The following NRG1 variants were observed in gnomAD, a reference collection of about 807,000 sequenced individuals.
The protein encoded by NRG1 is pro-neuregulin-1, membrane-bound isoform.
NRG1 carries 18 observed loss-of-function variants against 63.8 expected under a neutral mutation model. That is an observed-to-expected ratio of 0.28 (90% CI 0.19 to 0.42). The LOEUF is 0.42. Ranked by LOEUF, NRG1 falls within the 10% of genes least tolerant of loss-of-function variation. The probability of loss-of-function intolerance (pLI) is 1.00; values close to 1 mark genes in which losing one functional copy is unlikely to be tolerated. For synonymous variants in NRG1, 302 were observed against 301.3 expected (o/e 1.00, Z -0.02); for missense variants, 762 against 814.7 (o/e 0.94, Z 0.79).
chr8:32,295,646 G>A (rs927234947), intron 1 of NRG1, among the ~76,000 whole-genome samples: 1 of 152,174 alleles, frequency 6.6e-6, no homozygotes, highest in East Asian at 2.0e-4. Flanking sequence ...TCAAGTGATT[G>A]GAAAGAATTT....
At chr8:32,550,662 C>T (rs1833937513) in intron 1 of NRG1, among the ~76,000 whole-genome samples, 1 of 152,146 alleles carries the variant, frequency 6.6e-6, no homozygotes, top group Non-Finnish European at 1.5e-5. Flanking sequence ...ATTTCTGTGC[C>T]CTCCAGATCT....
intron 1 of NRG1, among the ~76,000 whole-genome samples, chr8:31,932,392 G>A (rs1834942587): frequency 1.3e-5 from 2 of 152,196 alleles, no homozygotes; most frequent in South Asian, 2.1e-4. Context: ...AAAAAGAGAA[G>A]CAACGCTTTC....
chr8:32,322,355 T>TATA (rs1563313662), intron 1 of NRG1, among the ~76,000 whole-genome samples: 1,612 of 142,634 alleles, frequency 0.011, 34 homozygotes, highest in African/African-American at 0.04. Flanking sequence ...CAACCTTATT[T>TATA]TATATATATA....
At position 32,082,742 on chromosome 8, in the gene NRG1, A is replaced by G. The variant is rs967066358; in HGVS notation, c.37+443311A>G. On this transcript the variant is annotated intron_variant, in intron 1 of 10. Coordinates refer to the NRG1 transcript ENST00000519301. The stretch of plus-strand genomic sequence containing the variant: ...GCTCTAAGATCTGATTTAAGAACAG[A>G]TAGTAGAATAGAATAAGCTTGGTTC... Among the ~76,000 whole-genome samples the G allele has an allele frequency of 3.3e-5, 5 of 152,296 alleles. 1 individual carries two copies.
intron 1 of NRG1, among the ~76,000 whole-genome samples, chr8:31,767,206 G>A (rs753940549): frequency 3.9e-5 from 6 of 152,228 alleles, no homozygotes; most frequent in Non-Finnish European, 8.8e-5. Context: ...CTGTGCCTTG[G>A]CTGATTTTAT....
intron 1 of NRG1, among the ~76,000 whole-genome samples, chr8:31,778,731 A>G (rs371421688): frequency 2.0e-5 from 3 of 152,212 alleles, no homozygotes; most frequent in Non-Finnish European, 4.4e-5. Context: ...CATGACCTAA[A>G]GCACTGCTAT....
At chr8:32,358,560 C>G (rs1297786786) in intron 1 of NRG1, among the ~76,000 whole-genome samples, 1 of 151,966 alleles carries the variant, frequency 6.6e-6, no homozygotes, top group African/African-American at 2.4e-5. Context: ...CTACAAGATA[C>G]TAAAAGAAGA....
intron 1 of NRG1, among the ~76,000 whole-genome samples, chr8:31,940,072 A>G (rs1444414073): frequency 1.3e-5 from 2 of 152,138 alleles, no homozygotes; most frequent in Non-Finnish European, 1.5e-5. Flanking sequence ...TTTATAGAAC[A>G]TTCTACCCAA....
At chr8:31,872,169 A>G (rs1829545241) in intron 1 of NRG1, among the ~76,000 whole-genome samples, 1 of 152,190 alleles carries the variant, frequency 6.6e-6, no homozygotes, top group South Asian at 2.1e-4. Context: ...GGGGATGGCG[A>G]ATGAACTTTT....
chr8:32,381,443 C>CT (rs1270900888), intron 1 of NRG1, among the ~76,000 whole-genome samples: 44 of 152,296 alleles, frequency 2.9e-4, no homozygotes, highest in African/African-American at 1.1e-3. Flanking sequence ...GCTGTGTACC[C>CT]TGTTCAATGG....
chr8:32,547,832 G>C (rs1039292925), upstream of NRG1, among the ~76,000 whole-genome samples: 3 of 152,120 alleles, frequency 2.0e-5, no homozygotes, highest in Non-Finnish European at 4.4e-5. Flanking sequence ...CGTTCCCCCC[G>C]CACCCCTCCC....
chr8:31,774,838 C>A (rs946737247), intron 1 of NRG1, among the ~76,000 whole-genome samples: 1 of 152,076 alleles, frequency 6.6e-6, no homozygotes, highest in Admixed American at 6.6e-5. Flanking sequence ...AAAATGCACA[C>A]CATCAGTAAT....
At chr8:32,719,142 A>G (rs1819998347) in intron 5 of NRG1, among the ~76,000 whole-genome samples, 1 of 152,176 alleles carries the variant, frequency 6.6e-6, no homozygotes, top group Non-Finnish European at 1.5e-5. Flanking sequence ...TTATTAGCTA[A>G]AAGCAGATAT....
intron 1 of NRG1, among the ~76,000 whole-genome samples, chr8:32,510,754 A>G (rs1232216022): frequency 6.6e-6 from 1 of 152,100 alleles, no homozygotes; most frequent in Non-Finnish European, 1.5e-5. Context: ...AGGCTGAGAC[A>G]GGACTCTTTT....
intron 11 of NRG1, chr8:32,760,791 T>C (rs1830553659): frequency 2.0e-6 from 2 of 1,020,982 alleles, no homozygotes; most frequent in Non-Finnish European, 2.4e-6. Flanking sequence ...TTGCCAGTTA[T>C]CCAAACTCTG....
At chr8:32,419,567 T>C (rs1816410696) in intron 1 of NRG1, among the ~76,000 whole-genome samples, 2 of 152,160 alleles carry the variant, frequency 1.3e-5, no homozygotes, top group Admixed American at 1.3e-4. Context: ...AGGTAAAAGA[T>C]GCAAGAAAAA....
intron 1 of NRG1, among the ~76,000 whole-genome samples, chr8:31,995,174 T>A (rs1357163135): frequency 3.3e-5 from 5 of 152,116 alleles, no homozygotes; most frequent in Admixed American, 2.6e-4. Context: ...AGCTTTTTTA[T>A]AGAGGTCAAT....
At chr8:32,066,619 C>T (rs192505866) in intron 1 of NRG1, among the ~76,000 whole-genome samples, 70,896 of 151,594 alleles carry the variant, frequency 0.47, 18,637 homozygotes, top group South Asian at 0.6. Flanking sequence ...AGTCAGGTAG[C>T]ATGATGCCTC....
chr8:32,252,004 G>A (rs902520096), intron 1 of NRG1, among the ~76,000 whole-genome samples: 1 of 152,096 alleles, frequency 6.6e-6, no homozygotes, highest in Non-Finnish European at 1.5e-5. Context: ...CTTCTTTTGT[G>A]AAGTATCTGC....
Sources: gnomAD v4.1 joint callset for allele counts (sites outside exome capture counted in the v4.1 genomes callset) on GRCh38, gnomAD v4.1.1 for gene constraint, MANE v1.5 for transcripts, NCBI Gene and HGNC (gene_info 2026-07-23, HGNC 2026-07-21) for gene names.